IGF2BP2: variants seen among roughly 807,000 people sequenced by gnomAD.
IGF2BP2 encodes insulin like growth factor 2 mRNA binding protein 2.
In IGF2BP2, 17 loss-of-function variants were observed where a neutral mutation model predicts 75.8. The ratio of observed to expected loss-of-function variants is 0.22; its 90% confidence interval spans 0.15 to 0.34. IGF2BP2 has a LOEUF of 0.34. Ranked by LOEUF, IGF2BP2 falls within the 10% of genes least tolerant of loss-of-function variation. IGF2BP2 has a pLI of 1.00. For missense variants in IGF2BP2, 516 were observed against 772.4 expected (o/e 0.67, Z 3.93); for synonymous variants, 288 against 295.6 (o/e 0.97, Z 0.26).
At chr3:185,678,892 C>T (rs1207278444) in intron 7 of IGF2BP2, among the ~76,000 whole-genome samples, 6 of 152,144 alleles carry the variant, frequency 3.9e-5, no homozygotes, top group Admixed American at 2.6e-4. Flanking sequence ...CTTTGTCTCT[C>T]GTAACAGTTT....
intron 10 of IGF2BP2, among the ~76,000 whole-genome samples, chr3:185,659,269 G>A (rs1716002366): frequency 6.6e-6 from 1 of 151,974 alleles, no homozygotes; most frequent in Admixed American, 6.6e-5. Context: ...AGGAGAGAAA[G>A]AAAATGAATG....
chr3:185,807,160 A>C (rs998111212), intron 2 of IGF2BP2, among the ~76,000 whole-genome samples: 1 of 152,182 alleles, frequency 6.6e-6, no homozygotes, highest in African/African-American at 2.4e-5. Context: ...TCAATTAGGC[A>C]CTGAAAAAAA....
intron 9 of IGF2BP2, 164 bp downstream of exon 9, chr3:185,675,132 C>G: frequency 1.8e-6 from 1 of 568,752 alleles, no homozygotes; most frequent in Non-Finnish European, 3.0e-6. Flanking sequence ...GTCCAGCGCA[C>G]TTATCATAAT....
At chr3:185,662,569 G>T (rs1220046307) in intron 10 of IGF2BP2, among the ~76,000 whole-genome samples, 1 of 133,300 alleles carries the variant, frequency 7.5e-6, no homozygotes, top group Non-Finnish European at 1.6e-5. Flanking sequence ...TTTTTAAGAT[G>T]GACTAGCTCT....
chr3:185,800,865 G>A (rs905519971), intron 2 of IGF2BP2, among the ~76,000 whole-genome samples: 5 of 152,088 alleles, frequency 3.3e-5, no homozygotes, highest in Non-Finnish European at 7.4e-5. Context: ...TTTGACAAAT[G>A]GGATCTAATT....
intron 2 of IGF2BP2, among the ~76,000 whole-genome samples, chr3:185,753,949 A>T (rs1292640168): frequency 6.6e-6 from 1 of 152,102 alleles, no homozygotes; most frequent in East Asian, 1.9e-4. Context: ...CACACCTGTA[A>T]TCCCAGCACT....
At chr3:185,791,922 A>G (rs1736691289) in intron 2 of IGF2BP2, among the ~76,000 whole-genome samples, 1 of 152,232 alleles carries the variant, frequency 6.6e-6, no homozygotes, top group African/African-American at 2.4e-5. Flanking sequence ...GAAGGAATAA[A>G]GGGCCACTGT....
In IGF2BP2 at chr3:185,823,152, C is replaced by T. The variant is rs1429394703; in HGVS notation, c.239+1G>A. On this transcript the variant is annotated splice_donor_variant, in intron 2 of 15. Coordinates refer to ENST00000382199, the MANE Select transcript of IGF2BP2 (RefSeq NM_006548.6). LOFTEE classifies it high-confidence loss of function. ...AAAAAAACTAAGCAAAGTATATTTA[C>T]CTTAGCTTTTTAGAGACTGAGTAAT... The T allele has an allele frequency of 6.3e-7, 1 of 1,595,902 alleles. No homozygotes were observed. Among genetic ancestry groups the T allele is most frequent in the South Asian group, 1.1e-5 (1 of 88,676 alleles).
At chr3:185,740,277 G>C (rs1729375145) in intron 2 of IGF2BP2, among the ~76,000 whole-genome samples, 1 of 152,270 alleles carries the variant, frequency 6.6e-6, no homozygotes, top group South Asian at 2.1e-4. Flanking sequence ...TATCATACAA[G>C]GTGAAGAATA....
intron 2 of IGF2BP2, among the ~76,000 whole-genome samples, chr3:185,742,387 T>TTGGGAGGCTGAGG (rs1729681091): frequency 6.6e-6 from 1 of 152,062 alleles, no homozygotes. Context: ...TCCCAGCTAC[T>TTGGGAGGCTGAGG]TGGGAGGCTG....
At chr3:185,718,208 T>A (rs1031374565) in intron 2 of IGF2BP2, 1 of 152,244 alleles carries the variant, frequency 6.6e-6, no homozygotes, top group Non-Finnish European at 1.5e-5. Context: ...TCATGCTGCA[T>A]TGGCAGCGCT....
At chr3:185,823,090 T>C in intron 2 of IGF2BP2, 63 bp downstream of exon 2, 1 of 1,076,340 alleles carries the variant, frequency 9.3e-7, no homozygotes, top group Non-Finnish European at 1.4e-6. Flanking sequence ...TAAAGCTGTG[T>C]GTACGTTTTT....
chr3:185,741,035 C>T (rs937782540), intron 2 of IGF2BP2, among the ~76,000 whole-genome samples: 2 of 152,128 alleles, frequency 1.3e-5, no homozygotes, highest in Non-Finnish European at 2.9e-5. Context: ...TGCCACCATG[C>T]CCGGCTAATT....
At chr3:185,820,890 T>C (rs945717804) in intron 2 of IGF2BP2, 7 of 845,718 alleles carry the variant, frequency 8.3e-6, no homozygotes, top group Non-Finnish European at 1.2e-5. Context: ...AAACCACATA[T>C]AGAATTGACT....
chr3:185,646,435 C>G (rs912715918), intron 15 of IGF2BP2, among the ~76,000 whole-genome samples: 1 of 152,200 alleles, frequency 6.6e-6, no homozygotes, highest in Non-Finnish European at 1.5e-5. Flanking sequence ...TGGTTTAGGA[C>G]AAAGACCAGG....
At chr3:185,776,285 G>T (rs1368374769) in intron 2 of IGF2BP2, among the ~76,000 whole-genome samples, 2 of 152,096 alleles carry the variant, frequency 1.3e-5, no homozygotes, top group Non-Finnish European at 2.9e-5. Flanking sequence ...AAACCCCAAG[G>T]TAGGCAAGGA....
intron 2 of IGF2BP2, among the ~76,000 whole-genome samples, chr3:185,725,262 A>C (rs1315650395): frequency 6.6e-6 from 1 of 152,218 alleles, no homozygotes; most frequent in African/African-American, 2.4e-5. Context: ...AGCAACAGAT[A>C]ATCAATATAA....
At chr3:185,672,257 C>G (rs552641686) in intron 10 of IGF2BP2, among the ~76,000 whole-genome samples, 11 of 152,294 alleles carry the variant, frequency 7.2e-5, no homozygotes, top group African/African-American at 2.6e-4. Context: ...AAGTTCTTTT[C>G]TATAATAAAT....
chr3:185,789,977 G>A (rs1334567496), intron 2 of IGF2BP2, among the ~76,000 whole-genome samples: 1 of 152,006 alleles, frequency 6.6e-6, no homozygotes, highest in Non-Finnish European at 1.5e-5. Context: ...CAGGTTACCT[G>A]CCCACCTCAG....
Sources: allele counts gnomAD v4.1 joint callset (sites outside exome capture counted in the v4.1 genomes callset), GRCh38; gene constraint gnomAD v4.1.1; transcripts MANE v1.5; gene names NCBI Gene and HGNC (gene_info 2026-07-23, HGNC 2026-07-21).